The following MFSD2A variants were observed in gnomAD, a reference collection of about 807,000 sequenced individuals.
MFSD2A encodes the protein sodium-dependent lysophosphatidylcholine symporter 1.
In MFSD2A, 27 loss-of-function variants were observed where a neutral mutation model predicts 64.7. The ratio of observed to expected loss-of-function variants is 0.42; its 90% confidence interval spans 0.31 to 0.58. The LOEUF (loss-of-function observed/expected upper bound fraction) is 0.58. Among genes scored for constraint, MFSD2A ranks in the 20% least tolerant of loss-of-function variants. The pLI is 0.18. For missense variants in MFSD2A, 474 were observed against 679.5 expected (o/e 0.70, Z 3.36); for synonymous variants, 258 against 273.4 (o/e 0.94, Z 0.55).
At chr1:39,957,369 T>C in intron 2 of MFSD2A, 148 bp downstream of exon 2, 1 of 811,958 alleles carries the variant, frequency 1.2e-6, no homozygotes, top group East Asian at 2.8e-5. Context: ...GAGCAAGAAA[T>C]GAGAAGACCC....
At chr1:39,969,307 G>GGTA (rs1553156134) in intron 13 of MFSD2A, among the ~76,000 whole-genome samples, 198 bp from the exon 14 acceptor site, 5 of 147,466 alleles carry the variant, frequency 3.4e-5, no homozygotes, top group Non-Finnish European at 3.0e-5. Context: ...GTAGATCTAG[G>GGTA]GTTTGCAGTA....
At position 39,960,571 on chromosome 1, in the gene MFSD2A, G is replaced by A. The variant is rs896624684; in HGVS notation, c.353+1746G>A. Among the ~76,000 whole-genome samples the A allele has an allele frequency of 6.6e-6, 1 of 152,234 alleles. No individual in the cohort carries two copies. The highest frequency in any genetic ancestry group is 1.5e-5 in the Non-Finnish European group (1 of 68,032). ...GTAGAAGGGGAGGCTCTGCTGCCAC[G>A]TCGCCTCATGAGGCCCAGCCAATGG... On this transcript the variant is annotated intron_variant, in intron 3 of 13. Coordinates refer to ENST00000372811, the MANE Select transcript of MFSD2A (RefSeq NM_032793.5). The surrounding 1 kb of genome is among the most constrained non-coding windows in gnomAD (Gnocchi z 4.8).
Position 39,960,813 on chromosome 1 carries a change from G to A in MFSD2A, c.353+1988G>A, listed in dbSNP as rs1211104889. Among the ~76,000 whole-genome samples, 1 of 152,198 alleles carries A rather than the reference G, an allele frequency of 6.6e-6. No individual in the cohort carries two copies. Among genetic ancestry groups the A allele is most frequent in the East Asian group, 1.9e-4 (1 of 5,194 alleles). On this transcript the variant is annotated intron_variant, in intron 3 of 13. Coordinates refer to ENST00000372811, the MANE Select transcript of MFSD2A (RefSeq NM_032793.5). The surrounding 1 kb of genome is among the most constrained non-coding windows in gnomAD (Gnocchi z 4.8). ...TAGGAACTGAGCAACTTCCTGGGCA[G>A]GCGTGGCAGCCAGTTTGGGGAAGTT...
Position 39,966,638 on chromosome 1 carries a change from G to A in MFSD2A, c.752G>A (p.Cys251Tyr). The A allele has an allele frequency of 1.9e-6, 3 of 1,614,014 alleles. No homozygotes were observed. Among genetic ancestry groups the A allele is most frequent in the Non-Finnish European group, 2.5e-6 (3 of 1,179,962 alleles). ...CTGCTGGCAGCGGGGGTCATTGTCT[G>A]TATCTATATAATCTGTGCTGTCATC... ...AYLLAAGVIVCIYIICAVILI... is the reference protein window; with the variant it reads ...AYLLAAGVIVYIYIICAVILI... Residue 251 changes from cysteine (C) to tyrosine (Y), a missense_variant, in exon 7 of 14, where the codon TGT (cysteine) becomes TAT (tyrosine). Coordinates refer to ENST00000372811, the MANE Select transcript of MFSD2A (RefSeq NM_032793.5).
chr1:39,963,657 A>T lies in MFSD2A; in HGVS notation c.354-1554A>T, dbSNP rs566248308. Among the ~76,000 whole-genome samples the T allele has an allele frequency of 6.6e-5, 10 of 152,340 alleles. No individual in the cohort carries two copies. The South Asian group carries it at 1.7e-3, about 25-fold the overall frequency. ...TTTTTGTTTTTGGTACAGTAGGGAT[A>T]CAAACCTGTCGGTTCTCTAATATTT... is the stretch of plus-strand genomic sequence containing the variant. On this transcript the variant is annotated intron_variant, in intron 3 of 13. Coordinates refer to ENST00000372811, the MANE Select transcript of MFSD2A (RefSeq NM_032793.5). The surrounding 1 kb of genome is among the most constrained non-coding windows in gnomAD (Gnocchi z 4.2).
At chr1:39,966,042 G>T in intron 6 of MFSD2A, 28 bp downstream of exon 6, 2 of 1,612,548 alleles carry the variant, frequency 1.2e-6, no homozygotes, top group Non-Finnish European at 1.7e-6. Context: ...GCAGGGATTT[G>T]GGGAGATAAG....
Position 39,965,504 on chromosome 1 carries a change from T to A in MFSD2A, c.511T>A (p.Phe171Ile). ...FHVPYSALTM[F>I]ISTEQTERDS... ...TGTTCCCTACTCGGCTCTCACCATGTTCATCAGCACCGAGCAGACTGAGCG... is the reference window on the plus strand; with the variant it reads ...TGTTCCCTACTCGGCTCTCACCATGATCATCAGCACCGAGCAGACTGAGCG... The change falls in exon 5 of 14, where the codon TTC becomes ATC. Residue 171 changes from phenylalanine to isoleucine, a missense_variant. Coordinates refer to ENST00000372811, the MANE Select transcript of MFSD2A (RefSeq NM_032793.5). This position sits in a 1 kb window ranked among gnomAD's most constrained non-coding sequence, Gnocchi z 5.5. The A allele has an allele frequency of 6.2e-7, 1 of 1,614,104 alleles. No homozygotes were observed. Among genetic ancestry groups the A allele is most frequent in the Non-Finnish European group, 8.5e-7 (1 of 1,180,020 alleles).
chr1:39,966,956 G>A (rs777648519), intron 8 of MFSD2A, 24 bp downstream of exon 8: 1 of 1,613,286 alleles, frequency 6.2e-7, no homozygotes, highest in South Asian at 1.1e-5. Flanking sequence ...GACATGCTCA[G>A]CCTGAGAAGG....
rs1404989517 is a variant in MFSD2A, at chr1:39,955,628, C to T, written c.93+243C>T. On this transcript the variant is annotated intron_variant, in intron 1 of 13. Coordinates refer to ENST00000372811, the MANE Select transcript of MFSD2A (RefSeq NM_032793.5). The surrounding 1 kb of genome is among the most constrained non-coding windows in gnomAD (Gnocchi z 5.9). Reference sequence around the variant, plus strand: ...TCTGCGGAGAGGCTCTGCCGGCAGCCCCATGTGATTCCCCGCTCTGCCTAG... The same window carrying T: ...TCTGCGGAGAGGCTCTGCCGGCAGCTCCATGTGATTCCCCGCTCTGCCTAG... 4 of 687,766 alleles carry T rather than the reference C, an allele frequency of 5.8e-6. No homozygotes were observed. Among genetic ancestry groups the T allele is most frequent in the East Asian group, 5.5e-5 (2 of 36,174 alleles). The allele number at this position is 687,766 out of a possible 1,614,324, so 42.6% of individuals were successfully genotyped here. A position where few individuals can be genotyped will look rare whatever the true frequency, so the allele number is the denominator to read the frequency against.
rs1454872497 is a variant in MFSD2A at position 39,965,347 on chromosome 1, A to G, written c.477+13A>G. The stretch of plus-strand genomic sequence containing the variant: ...AACAATGGTCACGGTGAGTGTGGGT[A>G]CCTCCCTTGGGTGTCTCTAGGGGCC... On this transcript the variant is annotated intron_variant, in intron 4 of 13. Transcript: ENST00000372811. The surrounding 1 kb of genome is among the most constrained non-coding windows in gnomAD (Gnocchi z 5.5). The G allele has an allele frequency of 2.5e-6, 4 of 1,613,282 alleles. No homozygotes were observed. The highest frequency in any genetic ancestry group is 3.4e-6 in the Non-Finnish European group (4 of 1,179,878).
In MFSD2A at chr1:39,967,613, T is replaced by G. The variant is rs1016901443; in HGVS notation, c.1012-15T>G. On this transcript the variant is annotated splice_polypyrimidine_tract_variant and intron_variant, in intron 9 of 13. Coordinates refer to ENST00000372811, the MANE Select transcript of MFSD2A (RefSeq NM_032793.5). ...TCTAAAGCACCTCCCTTTAACCCCCTTTGTCCATCCACAGCTCTCGGCCAC... is the reference window on the plus strand; with the variant it reads ...TCTAAAGCACCTCCCTTTAACCCCCGTTGTCCATCCACAGCTCTCGGCCAC... 6.2e-7 allele frequency: 1 copy of G among 1,613,428 alleles called. No individual in the cohort carries two copies. Among genetic ancestry groups the G allele is most frequent in the African/African-American group, 1.3e-5 (1 of 74,904 alleles).
intron 9 of MFSD2A, 184 bp from the exon 10 acceptor site, chr1:39,967,444 C>A: frequency 1.6e-6 from 1 of 644,008 alleles, no homozygotes; most frequent in Non-Finnish European, 2.7e-6. Context: ...ACAAGGTGGG[C>A]CTGGACCAGC....
chr1:39,966,562 A>C, intron 6 of MFSD2A, 39 bp from the exon 7 acceptor site: 1 of 1,567,080 alleles, frequency 6.4e-7, no homozygotes, highest in Non-Finnish European at 8.7e-7. Flanking sequence ...GATGAGCTCA[A>C]ACTGACCATC....
Position 39,968,650 on chromosome 1 carries a change from C to T in MFSD2A, c.1434C>T (p.Pro478=), listed in dbSNP as rs1297976496. 1.9e-6 allele frequency: 3 copies of T among 1,614,092 alleles called. No homozygotes were observed. The highest frequency in any genetic ancestry group is 1.1e-5 in the South Asian group (1 of 91,090). Residue 478 remains proline, a synonymous_variant, in exon 13 of 14, where the codon CCC becomes CCT. Coordinates refer to ENST00000372811, the MANE Select transcript of MFSD2A (RefSeq NM_032793.5). The surrounding 1 kb of genome is among the most constrained non-coding windows in gnomAD (Gnocchi z 4.4). The part of the protein sequence containing the change: ...FTLNMLVTMA[P]IVLILLGLLL... ...TGAACATGCTCGTGACCATGGCTCC[C>T]ATAGTTCTCATCCTGCTGGGCCTGC...
At chr1:39,957,335 C>A in intron 2 of MFSD2A, 114 bp downstream of exon 2, 1 of 1,118,412 alleles carries the variant, frequency 8.9e-7, no homozygotes, top group Non-Finnish European at 1.3e-6. Context: ...CCCCAAATCA[C>A]TACTTTGCTG....
chr1:39,963,669 G>A lies in MFSD2A; in HGVS notation c.354-1542G>A, dbSNP rs1409998168. On this transcript the variant is annotated intron_variant, in intron 3 of 13. Coordinates refer to ENST00000372811, the MANE Select transcript of MFSD2A (RefSeq NM_032793.5). This position sits in a 1 kb window ranked among gnomAD's most constrained non-coding sequence, Gnocchi z 4.2. ...GTACAGTAGGGATACAAACCTGTCG[G>A]TTCTCTAATATTTCTTTTTTGGGCA... Among the ~76,000 whole-genome samples the A allele has an allele frequency of 6.6e-6, 1 of 152,158 alleles. No homozygotes were observed. Among genetic ancestry groups the A allele is most frequent in the African/African-American group, 2.4e-5 (1 of 41,430 alleles).
rs1644915432 is a variant in MFSD2A, at chr1:39,955,814, C to G, written c.93+429C>G. 2 of 345,072 alleles carry G rather than the reference C, an allele frequency of 5.8e-6. No homozygotes were observed. Among genetic ancestry groups the G allele is most frequent in the African/African-American group, 4.4e-5 (2 of 45,910 alleles). 21.4% of individuals were successfully genotyped at this position (345,072 alleles called of 1,614,324 possible). ...CGCCTCAACTCTGCTGTTAGGGCCG[C>G]TCAAGTTCATTCATAAGAACAAGAG... On this transcript the variant is annotated intron_variant, in intron 1 of 13. Transcript: ENST00000372811. The surrounding 1 kb of genome is among the most constrained non-coding windows in gnomAD (Gnocchi z 5.9).
intron 13 of MFSD2A, among the ~76,000 whole-genome samples, chr1:39,969,099 T>C (rs1362716413): frequency 3.3e-5 from 5 of 152,178 alleles, no homozygotes. Flanking sequence ...AGTTGAGGTT[T>C]CAGCAGGAAG....
At chr1:39,956,356 G>A (rs916301404) in intron 1 of MFSD2A, among the ~76,000 whole-genome samples, 7 of 152,230 alleles carry the variant, frequency 4.6e-5, no homozygotes, top group African/African-American at 1.7e-4. Context: ...CCGGGCCCCC[G>A]TAGCTCTCTA....
Sources: gnomAD v4.1 joint callset for allele counts (sites outside exome capture counted in the v4.1 genomes callset) on GRCh38, gnomAD v4.1.1 for gene constraint, Gnocchi (gnomAD v3.1) non-coding constraint, MANE v1.5 for transcripts, NCBI Gene and HGNC (gene_info 2026-07-23, HGNC 2026-07-21) for gene names.